NPLOC4: variants seen among roughly 807,000 people sequenced by gnomAD.
NPLOC4 encodes NPL4 homolog, ubiquitin recognition factor, also known as nuclear protein localization protein 4 homolog.
In NPLOC4, 18 loss-of-function variants were observed where a neutral mutation model predicts 80.6. The ratio of observed to expected loss-of-function variants is 0.22; its 90% CI spans 0.15 to 0.33. The LOEUF (loss-of-function observed/expected upper bound fraction) is 0.33. NPLOC4 is among the 10% of genes least tolerant of loss of function. The pLI, the probability that NPLOC4 is intolerant of heterozygous loss-of-function variation, is 1.00. For synonymous variants in NPLOC4, 313 were observed against 301.5 expected, an observed-to-expected ratio of 1.04 and a Z score of -0.39; for missense variants, 540 against 786.1, an observed-to-expected ratio of 0.69 and a Z score of 3.74.
Position 81,567,555 on chromosome 17 carries a change from T to C in NPLOC4, c.1450-22A>G, listed in dbSNP as rs753127351. On this transcript the variant is annotated intron_variant, in intron 14 of 16. Coordinates refer to ENST00000331134, the MANE Select transcript of NPLOC4 (RefSeq NM_017921.4). The surrounding 1 kb of genome is among the most constrained non-coding windows in gnomAD (Gnocchi z 4.5). ...AGTCCTAGAGGAATGGGAATAAACA[T>C]GAATGTTCCATACAGTTCCCCAGTG... 89 of 1,461,104 alleles carry C rather than the reference T, an allele frequency of 6.1e-5. No individual in the cohort carries two copies. The South Asian group carries it at 8.5e-4, about 14-fold the overall frequency. The allele number at this position is 1,461,104 out of a possible 1,614,324, so 90.5% of individuals were successfully genotyped here. A position where few individuals can be genotyped will look rare whatever the true frequency, so the allele number is the denominator to read the frequency against.
At chr17:81,622,333 C>T (rs6565605) in intron 2 of NPLOC4, 55 bp from the exon 3 acceptor site, 608,145 of 1,240,060 alleles carry the variant, frequency 0.49, 155,835 homozygotes, top group East Asian at 0.75. Flanking sequence ...TATCACTACA[C>T]ATACCATACA....
At position 81,608,793 on chromosome 17, in the gene NPLOC4, G is replaced by A. The variant is rs763590230; in HGVS notation, c.465C>T (p.Leu155=). 26 of 1,589,464 alleles carry A rather than the reference G, an allele frequency of 1.6e-5. No homozygotes were observed. The highest frequency in any genetic ancestry group is 1.7e-4 in the Middle Eastern group (1 of 6,060). ...AGGACATGTGCTTCACGGGAGGCTC[G>A]AGATGGTTTAGATAGTCCTCATCGA... ...EPFDEDYLNH[L]EPPVKHMSFH... is the part of the protein sequence containing the mutation. The change falls in exon 6 of 17, where the codon CTC becomes CTT. Residue 155 remains leucine, a synonymous_variant. Coordinates refer to ENST00000331134, the MANE Select transcript of NPLOC4 (RefSeq NM_017921.4).
intron 16 of NPLOC4, chr17:81,563,050 C>T (rs569585433): frequency 4.7e-4 from 72 of 151,976 alleles, no homozygotes; most frequent in African/African-American, 1.7e-3. Context: ...GAGTTTGAGA[C>T]CAGCCTGGGC....
intron 3 of NPLOC4, among the ~76,000 whole-genome samples, chr17:81,615,217 A>T (rs1375076512): frequency 2.0e-5 from 3 of 149,894 alleles, no homozygotes; most frequent in Non-Finnish European, 4.4e-5. Flanking sequence ...CTCCTGCCTC[A>T]GCCTCCCAAG....
chr17:81,633,919 T>A, intron 1 of NPLOC4, among the ~76,000 whole-genome samples: 1 of 150,920 alleles, frequency 6.6e-6, no homozygotes, highest in Non-Finnish European at 1.5e-5. Context: ...CAGGCTGGAG[T>A]GCAGTGGTGC....
At chr17:81,621,150 A>C (rs1317436852) in intron 3 of NPLOC4, among the ~76,000 whole-genome samples, 1 of 152,182 alleles carries the variant, frequency 6.6e-6, no homozygotes, top group African/African-American at 2.4e-5. Flanking sequence ...AAAAAGAAAA[A>C]TATCAAGATG....
At chr17:81,626,918 C>G (rs1444027186) in intron 2 of NPLOC4, among the ~76,000 whole-genome samples, 1 of 151,252 alleles carries the variant, frequency 6.6e-6, no homozygotes, top group Non-Finnish European at 1.5e-5. Context: ...AGTGAAACCT[C>G]GTCTCTACTA....
intron 4 of NPLOC4, among the ~76,000 whole-genome samples, 154 bp from the exon 5 acceptor site, chr17:81,610,412 ATTG>A (rs1448180750): frequency 1.3e-5 from 2 of 152,032 alleles, no homozygotes; most frequent in African/African-American, 4.8e-5. Flanking sequence ...TTATATTTTA[ATTG>A]TTGTTTTGTT....
At chr17:81,631,808 T>G (rs1217708573) in intron 1 of NPLOC4, among the ~76,000 whole-genome samples, 1 of 152,064 alleles carries the variant, frequency 6.6e-6, no homozygotes, top group African/African-American at 2.4e-5. Flanking sequence ...GCTCATTTTT[T>G]TTTTCCCCGA....
intron 2 of NPLOC4, among the ~76,000 whole-genome samples, chr17:81,627,137 T>C (rs2035815925): frequency 6.6e-6 from 1 of 150,692 alleles, no homozygotes; most frequent in Non-Finnish European, 1.5e-5. Flanking sequence ...ACTCTTGTAA[T>C]CCCGGCACAT....
intron 16 of NPLOC4, chr17:81,563,096 G>C (rs1427628207): frequency 6.7e-6 from 1 of 149,110 alleles, no homozygotes; most frequent in African/African-American, 2.5e-5. Context: ...TTTTTTTTGA[G>C]ACAGAGTCTT....
In NPLOC4 at chr17:81,572,691, T is replaced by A. The variant is rs532903926; in HGVS notation, c.1282-603A>T. Among the ~76,000 whole-genome samples the A allele has an allele frequency of 4.3e-4, 66 of 152,334 alleles. No homozygotes were observed. Among genetic ancestry groups the A allele is most frequent in the African/African-American group, 1.5e-3 (64 of 41,586 alleles). On this transcript the variant is annotated intron_variant, in intron 12 of 16. Transcript: ENST00000331134. The surrounding 1 kb of genome is among the most constrained non-coding windows in gnomAD (Gnocchi z 4.5). Reference sequence around the variant, plus strand: ...AATGCCTCCTCTCCACCCATGGCGCTTGGCCTGGCACTCAGGCGCGATCTG... The same window carrying A: ...AATGCCTCCTCTCCACCCATGGCGCATGGCCTGGCACTCAGGCGCGATCTG...
intron 12 of NPLOC4, among the ~76,000 whole-genome samples, chr17:81,581,159 G>A (rs1408751042): frequency 6.6e-6 from 1 of 152,092 alleles, no homozygotes; most frequent in Non-Finnish European, 1.5e-5. Flanking sequence ...AGACCAGCCT[G>A]GCCAACATGG....
chr17:81,600,608 G>A (rs1172897538), intron 8 of NPLOC4, among the ~76,000 whole-genome samples, 181 bp from the exon 9 acceptor site: 3 of 152,086 alleles, frequency 2.0e-5, no homozygotes, highest in African/African-American at 7.2e-5. Flanking sequence ...TCCTTCTCGG[G>A]TTGTGCTGCA....
intron 3 of NPLOC4, among the ~76,000 whole-genome samples, chr17:81,621,574 G>A (rs775827344): frequency 2.6e-5 from 4 of 152,216 alleles, no homozygotes; most frequent in Admixed American, 1.3e-4. Flanking sequence ...CCCGTGTTCC[G>A]TAAAGGACCA....
chr17:81,609,763 T>C (rs546254625), intron 5 of NPLOC4, among the ~76,000 whole-genome samples: 16 of 152,354 alleles, frequency 1.1e-4, no homozygotes, highest in African/African-American at 3.8e-4. Flanking sequence ...AAAATCGGGC[T>C]GGCCTTCCTG....
chr17:81,616,329 A>AAAAAAAAAAAAG (rs2035485265), intron 3 of NPLOC4, among the ~76,000 whole-genome samples: 9 of 38,660 alleles, frequency 2.3e-4, no homozygotes, highest in East Asian at 1.8e-3. Context: ...TCAAAAAAAA[A>AAAAAAAAAAAAG]AAAAAAAAAG....
At chr17:81,604,962 T>TA (rs2035160853) in intron 7 of NPLOC4, among the ~76,000 whole-genome samples, 1 of 151,736 alleles carries the variant, frequency 6.6e-6, no homozygotes, top group Non-Finnish European at 1.5e-5. Context: ...CCTTGTATCT[T>TA]AAAAAATAAA....
chr17:81,596,075 C>A, intron 11 of NPLOC4, 41 bp downstream of exon 11: 1 of 1,573,796 alleles, frequency 6.4e-7, no homozygotes, highest in Non-Finnish European at 8.7e-7. Context: ...AATATATTAA[C>A]GAGGTGGTAA....
Sources: gnomAD v4.1 joint callset for allele counts (sites outside exome capture counted in the v4.1 genomes callset) on GRCh38, gnomAD v4.1.1 for gene constraint, Gnocchi (gnomAD v3.1) non-coding constraint, MANE v1.5 for transcripts, NCBI Gene and HGNC (gene_info 2026-07-23, HGNC 2026-07-21) for gene names.